Variants in PPARA observed in about 807,000 individuals in gnomAD.
The protein encoded by PPARA is peroxisome proliferator-activated receptor alpha.
A neutral mutation model predicts 42.2 loss-of-function variants in PPARA; 22 were observed. The ratio of observed to expected loss-of-function variants is 0.52; its 90% confidence interval spans 0.37 to 0.74. PPARA has a LOEUF of 0.74. Among genes scored for constraint, PPARA ranks in the 30% least tolerant of loss-of-function variants. PPARA has a pLI of 0.00. For synonymous variants in PPARA, 242 were observed against 239.3 expected (o/e 1.01, Z -0.10); for missense variants, 465 against 608.2 (o/e 0.76, Z 2.48).
In PPARA at chr22:46,160,418, T is replaced by A. The variant is rs913695925; in HGVS notation, c.-127+8448T>A. On this transcript the variant is annotated intron_variant, in intron 2 of 8. Transcript: ENST00000407236. The surrounding 1 kb of genome is among the most constrained non-coding windows in gnomAD (Gnocchi z 4.5). ...TTCAAGCGATTCTCCTGCCTCAGCC[T>A]CCTACATAGCTGGTACTACAGGCAC... Among the ~76,000 whole-genome samples, 7 of 152,084 alleles carry A rather than the reference T, an allele frequency of 4.6e-5. No homozygotes were observed. The highest frequency in any genetic ancestry group is 1.0e-4 in the Non-Finnish European group (7 of 68,030).
At chr22:46,154,029 G>A (rs1924878561) in intron 2 of PPARA, among the ~76,000 whole-genome samples, 1 of 152,102 alleles carries the variant, frequency 6.6e-6, no homozygotes, top group African/African-American at 2.4e-5. Context: ...ATATCCCATT[G>A]TGTTTAGATA....
chr22:46,233,075 TATG>T lies in PPARA; in HGVS notation c.1159+839_1159+841del, dbSNP rs1253054936. On this transcript the variant is annotated intron_variant, in intron 8 of 8. Coordinates refer to ENST00000407236, the MANE Select transcript of PPARA (RefSeq NM_005036.6). The surrounding 1 kb of genome is among the most constrained non-coding windows in gnomAD (Gnocchi z 7.3). The stretch of plus-strand genomic sequence containing the variant: ...TTATAAACAGATATAATTTATATAT[TATG>T]ATATTCCTGTATATATTATATAATG... Among the ~76,000 whole-genome samples the T allele has an allele frequency of 1.3e-5, 2 of 151,384 alleles. No homozygotes were observed. The highest frequency in any genetic ancestry group is 2.9e-5 in the Non-Finnish European group (2 of 67,888).
intron 4 of PPARA, among the ~76,000 whole-genome samples, chr22:46,206,387 T>C (rs947398270): frequency 3.3e-5 from 5 of 152,226 alleles, no homozygotes; most frequent in African/African-American, 1.2e-4. Context: ...AATGCTGGGA[T>C]TATAGGCGTG....
At position 46,161,570 on chromosome 22, in the gene PPARA, G is replaced by A. The variant is rs985732978; in HGVS notation, c.-127+9600G>A. 6.6e-6 allele frequency among the ~76,000 whole-genome samples: 1 copy of A among 152,074 alleles called. No homozygotes were observed. The highest frequency in any genetic ancestry group is 1.5e-5 in the Non-Finnish European group (1 of 68,020). ...CACTGCACTCCAGCCTGGCAACAGC[G>A]AGACTCCATCTCAAAAATAATAAGT... On this transcript the variant is annotated intron_variant, in intron 2 of 8. Coordinates refer to ENST00000407236, the MANE Select transcript of PPARA (RefSeq NM_005036.6). This position sits in a 1 kb window ranked among gnomAD's most constrained non-coding sequence, Gnocchi z 4.8.
chr22:46,159,051 G>A (rs985846193), intron 2 of PPARA, among the ~76,000 whole-genome samples: 2 of 152,004 alleles, frequency 1.3e-5, no homozygotes, highest in East Asian at 1.9e-4. Context: ...CACCACGCCC[G>A]GCTAATTTTT....
At chr22:46,223,345 A>T (rs561314900) in intron 7 of PPARA, among the ~76,000 whole-genome samples, 2 of 152,144 alleles carry the variant, frequency 1.3e-5, no homozygotes, top group Admixed American at 1.3e-4. Context: ...TTTTGGCCTT[A>T]AAGAAATAAA....
Position 46,160,627 on chromosome 22 carries a change from G to A in PPARA, c.-127+8657G>A, listed in dbSNP as rs890015382. ...TGTTTGTTTATTTATTTCTTGACAGGATCTCACTCTGTCACCAGGCTGGAG... is the reference window on the plus strand; with the variant it reads ...TGTTTGTTTATTTATTTCTTGACAGAATCTCACTCTGTCACCAGGCTGGAG... On this transcript the variant is annotated intron_variant, in intron 2 of 8. Coordinates refer to ENST00000407236, the MANE Select transcript of PPARA (RefSeq NM_005036.6). The surrounding 1 kb of genome is among the most constrained non-coding windows in gnomAD (Gnocchi z 4.5). 3.3e-5 allele frequency among the ~76,000 whole-genome samples: 5 copies of A among 151,314 alleles called. No individual in the cohort carries two copies. The highest frequency in any genetic ancestry group is 2.6e-4 in the Admixed American group (4 of 15,202).
chr22:46,172,318 TAA>T (rs35328780), intron 2 of PPARA, among the ~76,000 whole-genome samples: 44,370 of 119,186 alleles, frequency 0.37, 8,980 homozygotes, highest in African/African-American at 0.61. Context: ...TGCAAGTAAT[TAA>T]AAAAAAAAAA....
chr22:46,201,109 A>G (rs2147410102), intron 4 of PPARA, among the ~76,000 whole-genome samples: 1 of 148,856 alleles, frequency 6.7e-6, no homozygotes, highest in Admixed American at 6.8e-5. Flanking sequence ...TGGGCAACAG[A>G]GCAAGATTCC....
In PPARA at chr22:46,222,351, C is replaced by T. The variant is rs1935071811; in HGVS notation, c.711+2337C>T. 6.6e-6 allele frequency among the ~76,000 whole-genome samples: 1 copy of T among 152,210 alleles called. No individual in the cohort carries two copies. Among genetic ancestry groups the T allele is most frequent in the African/African-American group, 2.4e-5 (1 of 41,456 alleles). On this transcript the variant is annotated intron_variant, in intron 7 of 8. Coordinates refer to ENST00000407236, the MANE Select transcript of PPARA (RefSeq NM_005036.6). The surrounding 1 kb of genome is among the most constrained non-coding windows in gnomAD (Gnocchi z 5.9). Reference sequence around the variant, plus strand: ...ACATTTTCCTATGAGCATGGTGAAACAGGTTTAATTTGTATTAAATAGCTT... The same window carrying T: ...ACATTTTCCTATGAGCATGGTGAAATAGGTTTAATTTGTATTAAATAGCTT...
At chr22:46,213,505 C>G (rs1934137596) in intron 4 of PPARA, among the ~76,000 whole-genome samples, 1 of 151,190 alleles carries the variant, frequency 6.6e-6, no homozygotes, top group South Asian at 2.1e-4. Context: ...CCTCCCGGGT[C>G]CAAGCGATTC....
chr22:46,179,053 C>A (rs1258931998), intron 3 of PPARA, among the ~76,000 whole-genome samples: 2 of 152,156 alleles, frequency 1.3e-5, no homozygotes, highest in Admixed American at 1.3e-4. Flanking sequence ...TGACATGAAG[C>A]AAGGCAAAGA....
In PPARA at chr22:46,224,227, CT is replaced by C. The variant is rs1035212119; in HGVS notation, c.711+4214del. Among the ~76,000 whole-genome samples the C allele has an allele frequency of 5.3e-5, 8 of 152,230 alleles. No homozygotes were observed. The highest frequency in any genetic ancestry group is 1.9e-4 in the African/African-American group (8 of 41,452). ...CACGGGACGCTGGAGGCACGGCCCCCTCCTCCCTGCCTAGCCTGCTGACGGG... is the reference window on the plus strand; with the variant it reads ...CACGGGACGCTGGAGGCACGGCCCCCCCTCCCTGCCTAGCCTGCTGACGGG... On this transcript the variant is annotated intron_variant, in intron 7 of 8. Transcript: ENST00000407236. The surrounding 1 kb of genome is among the most constrained non-coding windows in gnomAD (Gnocchi z 5.7).
chr22:46,214,362 G>T (rs964457332), intron 4 of PPARA, among the ~76,000 whole-genome samples: 1 of 150,202 alleles, frequency 6.7e-6, no homozygotes, highest in African/African-American at 2.5e-5. Context: ...GATCGGAAAT[G>T]TGGGGGTCCG....
At chr22:46,166,628 A>AC (rs1410173400) in intron 2 of PPARA, among the ~76,000 whole-genome samples, 2 of 152,010 alleles carry the variant, frequency 1.3e-5, no homozygotes, top group African/African-American at 2.4e-5. Context: ...CAAAAAAAAA[A>AC]AAACAAAAAA....
intron 4 of PPARA, among the ~76,000 whole-genome samples, chr22:46,202,093 G>A (rs1308345883): frequency 6.6e-6 from 1 of 152,070 alleles, no homozygotes; most frequent in Admixed American, 6.6e-5. Flanking sequence ...GTGGGTGGGT[G>A]TGTGGCTCTA....
In PPARA at chr22:46,171,863, A is replaced by G. The variant is rs922685545; in HGVS notation, c.-126-4890A>G. ...GCGAGGGCTTCTTAGGGGACTGGAT[A>G]TGCTCTGATCTAGCTGCTAAAAAGC... On this transcript the variant is annotated intron_variant, in intron 2 of 8. Transcript: ENST00000407236. This position sits in a 1 kb window ranked among gnomAD's most constrained non-coding sequence, Gnocchi z 5.0. Among the ~76,000 whole-genome samples, 4 of 152,172 alleles carry G rather than the reference A, an allele frequency of 2.6e-5. No individual in the cohort carries two copies. Among genetic ancestry groups the G allele is most frequent in the African/African-American group, 9.7e-5 (4 of 41,446 alleles).
intron 2 of PPARA, among the ~76,000 whole-genome samples, chr22:46,169,155 C>A (rs972973648): frequency 6.6e-6 from 1 of 151,910 alleles, no homozygotes; most frequent in South Asian, 2.1e-4. Context: ...ATGTACAACA[C>A]AAAGAGTGAA....
In PPARA at chr22:46,219,746, G is replaced by C; in HGVS notation, c.509-66G>C. The C allele has an allele frequency of 6.5e-7, 1 of 1,526,766 alleles. No individual in the cohort carries two copies. The highest frequency in any genetic ancestry group is 1.4e-5 in the African/African-American group (1 of 73,032). 94.6% of individuals were successfully genotyped at this position (1,526,766 alleles called of 1,614,324 possible). A position where few individuals can be genotyped will look rare whatever the true frequency, so the allele number is the denominator to read the frequency against. On this transcript the variant is annotated intron_variant, in intron 6 of 8. Transcript: ENST00000407236. The surrounding 1 kb of genome is among the most constrained non-coding windows in gnomAD (Gnocchi z 4.8). ...GTTTAAAGTCCTGGGGGAGCCCCTC[G>C]TCCAGCCCTGTCCGCGCAGTCATGA...
Sources: gnomAD v4.1 joint callset for allele counts (sites outside exome capture counted in the v4.1 genomes callset) on GRCh38, gnomAD v4.1.1 for gene constraint, Gnocchi (gnomAD v3.1) non-coding constraint, MANE v1.5 for transcripts, NCBI Gene and HGNC (gene_info 2026-07-23, HGNC 2026-07-21) for gene names.